The following SYNE1 variants were observed in gnomAD, a reference collection of about 807,000 sequenced individuals.
SYNE1 encodes spectrin repeat containing nuclear envelope protein 1.
SYNE1 carries 616 observed loss-of-function variants against 1,111.0 expected under a neutral mutation model. The observed-to-expected ratio is 0.55, with a 90% CI of 0.52 to 0.59. SYNE1 has a LOEUF of 0.59. Among genes scored for constraint, SYNE1 ranks in the 20% least tolerant of loss-of-function variants. SYNE1 has a pLI of 0.00. For synonymous variants in SYNE1, 3,855 were observed against 3,825.8 expected (o/e 1.01, Z -0.28); for missense variants, 10,006 against 10,417.0 (o/e 0.96, Z 1.72).
In SYNE1 at chr6:152,220,940, C is replaced by A; in HGVS notation, c.21763G>T (p.Val7255Phe). The A allele has an allele frequency of 1.9e-6, 3 of 1,614,180 alleles. No individual in the cohort carries two copies. The highest frequency in any genetic ancestry group is 1.7e-6 in the Non-Finnish European group (2 of 1,179,996). ...TTGGTTCGATCCTCCTGCTGCTGAA[C>A]TGTCGAAGCACACTGTTTGGAGTAG... ...KDYSKQCAST[V>F]QQQEDRTNEL... The change falls in exon 119 of 146, where the codon GTT becomes TTT. Residue 7255 changes from valine (V) to phenylalanine (F), a missense_variant. Coordinates refer to ENST00000367255, the MANE Select transcript of SYNE1 (RefSeq NM_182961.4).
At chr6:152,188,237 C>T (rs982503690) in intron 128 of SYNE1, among the ~76,000 whole-genome samples, 5 of 152,072 alleles carry the variant, frequency 3.3e-5, no homozygotes, top group Non-Finnish European at 5.9e-5. Context: ...GCAGGGCACT[C>T]GGGGTATAGA....
At chr6:152,486,292 T>C (rs188528786) in intron 12 of SYNE1, among the ~76,000 whole-genome samples, 308 of 152,082 alleles carry the variant, frequency 2.0e-3, no homozygotes, top group African/African-American at 7.1e-3. Context: ...GGATTCTGAG[T>C]GAAAAAACTG....
At chr6:152,188,244 T>C (rs2070823823) in intron 128 of SYNE1, among the ~76,000 whole-genome samples, 1 of 152,190 alleles carries the variant, frequency 6.6e-6, no homozygotes, top group African/African-American at 2.4e-5. Context: ...ACTCGGGGTA[T>C]AGAAGTAACA....
intron 108 of SYNE1, 83 bp downstream of exon 108, chr6:152,239,450 C>T: frequency 6.4e-7 from 1 of 1,558,336 alleles, no homozygotes; most frequent in South Asian, 1.1e-5. Flanking sequence ...AGGCAAACTG[C>T]ATGGATAGAT....
chr6:152,393,525 G>T (rs2097681041), intron 51 of SYNE1, among the ~76,000 whole-genome samples: 2 of 151,584 alleles, frequency 1.3e-5, no homozygotes, highest in South Asian at 2.1e-4. Context: ...ACTAGATAAT[G>T]AACAGAAATG....
intron 33 of SYNE1, 116 bp from the exon 34 acceptor site, chr6:152,434,061 G>T: frequency 1.0e-6 from 1 of 998,012 alleles, no homozygotes; most frequent in Non-Finnish European, 1.5e-6. Context: ...CCATTTCAAA[G>T]TTGAAACTAT....
intron 102 of SYNE1, 150 bp downstream of exon 102, chr6:152,256,484 G>C (rs2090898629): frequency 1.3e-6 from 1 of 789,106 alleles, no homozygotes; most frequent in African/African-American, 1.8e-5. Flanking sequence ...GGACTCCAGG[G>C]TCCAGTGATC....
chr6:152,600,532 A>G (rs1583205173), intron 3 of SYNE1, among the ~76,000 whole-genome samples: 1 of 152,284 alleles, frequency 6.6e-6, no homozygotes, highest in East Asian at 1.9e-4. Flanking sequence ...AGCTATGGTA[A>G]CTTTTTTCCC....
chr6:152,552,113 ATTGT>A (rs2099349070), intron 3 of SYNE1, among the ~76,000 whole-genome samples: 1 of 152,174 alleles, frequency 6.6e-6, no homozygotes, highest in South Asian at 2.1e-4. Context: ...TTCAAAATAC[ATTGT>A]TTGGTGTGGA....
intron 3 of SYNE1, among the ~76,000 whole-genome samples, chr6:152,594,522 T>A (rs1370198013): frequency 6.6e-6 from 1 of 152,234 alleles, no homozygotes; most frequent in East Asian, 1.9e-4. Context: ...ATCCAATGAA[T>A]CTATGAAATC....
chr6:152,412,191 G>A (rs978847985), intron 42 of SYNE1, among the ~76,000 whole-genome samples: 10 of 152,090 alleles, frequency 6.6e-5, no homozygotes, highest in East Asian at 5.8e-4. Flanking sequence ...GGAGGCTGAG[G>A]CAGGTGGATC....
chr6:152,566,244 G>A (rs2128264318), intron 3 of SYNE1, among the ~76,000 whole-genome samples: 1 of 152,234 alleles, frequency 6.6e-6, no homozygotes, highest in Non-Finnish European at 1.5e-5. Flanking sequence ...AACAAGGGAT[G>A]ACGCAAGGTA....
intron 67 of SYNE1, 74 bp downstream of exon 67, chr6:152,354,584 TA>T (rs773034591): frequency 9.3e-5 from 146 of 1,574,932 alleles, no homozygotes; most frequent in Non-Finnish European, 1.2e-4. Context: ...TAAAAGTTAC[TA>T]AATATCTTAA....
intron 4 of SYNE1, among the ~76,000 whole-genome samples, chr6:152,527,723 T>C (rs567133733): frequency 1.3e-5 from 2 of 152,358 alleles, no homozygotes; most frequent in Non-Finnish European, 2.9e-5. Flanking sequence ...CATGCATTGT[T>C]ATAAATATGC....
Position 152,306,638 on chromosome 6 carries a change from G to T in SYNE1, c.17346+1851C>A, listed in dbSNP as rs1413265868. Among the ~76,000 whole-genome samples, 3 of 151,752 alleles carry T rather than the reference G, an allele frequency of 2.0e-5. No homozygotes were observed. In the East Asian group the frequency reaches 5.8e-4, roughly 29 times the overall value. On this transcript the variant is annotated intron_variant, in intron 91 of 145. Coordinates refer to ENST00000367255, the MANE Select transcript of SYNE1 (RefSeq NM_182961.4). The stretch of plus-strand genomic sequence containing the variant: ...TATCTTTTATTCTAGCACTTTGGGA[G>T]GCTGAGGCAGGCATATCACTTGAGC...
chr6:152,328,501 G>A (rs2153964870), intron 78 of SYNE1, among the ~76,000 whole-genome samples: 1 of 151,620 alleles, frequency 6.6e-6, no homozygotes, highest in East Asian at 1.9e-4. Flanking sequence ...TGCCTCCTGG[G>A]TTTAAGCGAT....
chr6:152,253,654 G>T (rs944838722), intron 104 of SYNE1, among the ~76,000 whole-genome samples: 1 of 151,988 alleles, frequency 6.6e-6, no homozygotes, highest in African/African-American at 2.4e-5. Context: ...TAAAGACAAT[G>T]AATATGAGAA....
chr6:152,449,188 G>A (rs1461179559), intron 28 of SYNE1, among the ~76,000 whole-genome samples: 1 of 152,172 alleles, frequency 6.6e-6, no homozygotes, highest in Non-Finnish European at 1.5e-5. Flanking sequence ...TTGCATGGCT[G>A]AAAATGTATT....
intron 130 of SYNE1, among the ~76,000 whole-genome samples, chr6:152,165,797 C>A (rs1341929676): frequency 6.6e-6 from 1 of 152,202 alleles, no homozygotes; most frequent in Non-Finnish European, 1.5e-5. Context: ...ATGGCTAAGA[C>A]AAAATTCATC....
Sources: allele counts gnomAD v4.1 joint callset (sites outside exome capture counted in the v4.1 genomes callset), GRCh38; gene constraint gnomAD v4.1.1; transcripts MANE v1.5; gene names NCBI Gene and HGNC (gene_info 2026-07-23, HGNC 2026-07-21).